Variants in KCND3 observed in about 807,000 individuals in gnomAD.
The protein encoded by KCND3 is A-type voltage-gated potassium channel KCND3.
Under a neutral mutation model 51.1 loss-of-function variants are expected in KCND3, and 9 were observed. The ratio of observed to expected loss-of-function variants is 0.18; its 90% CI spans 0.11 to 0.31. The LOEUF is 0.31. KCND3 is among the 10% of genes least tolerant of loss of function. KCND3 has a pLI of 1.00. For synonymous variants in KCND3, 349 were observed against 368.0 expected, an observed-to-expected ratio of 0.95 and a Z score of 0.59; for missense variants, 526 against 903.8, an observed-to-expected ratio of 0.58 and a Z score of 5.36.
chr1:111,814,139 ACTGT>A (rs1665977794), intron 2 of KCND3, among the ~76,000 whole-genome samples: 1 of 152,256 alleles, frequency 6.6e-6, no homozygotes, highest in Non-Finnish European at 1.5e-5. Flanking sequence ...CAGATCTGTG[ACTGT>A]CTGACATGAA....
At chr1:111,902,619 G>A (rs911168578) in intron 2 of KCND3, among the ~76,000 whole-genome samples, 1 of 152,206 alleles carries the variant, frequency 6.6e-6, no homozygotes, top group African/African-American at 2.4e-5. Flanking sequence ...TGGTCCACAG[G>A]TCTGGGGCCA....
At chr1:111,914,675 A>G (rs1671111784) in intron 2 of KCND3, among the ~76,000 whole-genome samples, 1 of 152,240 alleles carries the variant, frequency 6.6e-6, no homozygotes, top group Non-Finnish European at 1.5e-5. Flanking sequence ...AAGCAAAAAT[A>G]TCAATCAGAG....
chr1:111,928,272 G>A (rs892349853), intron 2 of KCND3, among the ~76,000 whole-genome samples: 3 of 152,152 alleles, frequency 2.0e-5, no homozygotes, highest in African/African-American at 7.2e-5. Flanking sequence ...AGAGGTCATG[G>A]TGCACTAGAA....
At chr1:111,804,136 G>A (rs1225460254) in intron 2 of KCND3, among the ~76,000 whole-genome samples, 2 of 152,136 alleles carry the variant, frequency 1.3e-5, no homozygotes. Flanking sequence ...CTCCTTTTCC[G>A]TCCCCCAACC....
At chr1:111,927,105 C>T (rs1297959472) in intron 2 of KCND3, among the ~76,000 whole-genome samples, 1 of 152,228 alleles carries the variant, frequency 6.6e-6, no homozygotes. Context: ...TCCCCATTTG[C>T]TAGCTAAGGA....
At chr1:111,963,271 C>T (rs1042594702) in intron 2 of KCND3, among the ~76,000 whole-genome samples, 9 of 152,296 alleles carry the variant, frequency 5.9e-5, no homozygotes, top group African/African-American at 2.2e-4. Flanking sequence ...GATTCAGAGC[C>T]CCACAAAGGA....
At chr1:111,852,094 C>T (rs1428371291) in intron 2 of KCND3, among the ~76,000 whole-genome samples, 1 of 152,226 alleles carries the variant, frequency 6.6e-6, no homozygotes, top group Non-Finnish European at 1.5e-5. Context: ...ATGGATGGAG[C>T]TTTTCTTTGT....
chr1:111,799,294 A>G (rs148673049), intron 2 of KCND3, among the ~76,000 whole-genome samples: 3 of 152,236 alleles, frequency 2.0e-5, no homozygotes, highest in Non-Finnish European at 4.4e-5. Flanking sequence ...AGGTACTAGA[A>G]TTGATAGATA....
At chr1:111,827,776 T>C (rs1666645176) in intron 2 of KCND3, among the ~76,000 whole-genome samples, 1 of 152,082 alleles carries the variant, frequency 6.6e-6, no homozygotes. Flanking sequence ...GGGTGAGGAA[T>C]GTTGATATGA....
Position 111,833,046 on chromosome 1 carries a change from G to T in KCND3, c.1107-45940C>A, listed in dbSNP as rs1666912646. ...TGTTGCCAAACTGGCCTTGGTCCCT[G>T]GTTCCTGGTGACAGCTGAGCATCTG... On this transcript the variant is annotated intron_variant, in intron 2 of 7. Transcript: ENST00000302127. Among the ~76,000 whole-genome samples the T allele has an allele frequency of 2.0e-5, 3 of 152,244 alleles. 1 individual carries two copies. The highest frequency in any genetic ancestry group is 4.1e-4 in the South Asian group (2 of 4,838).
chr1:111,910,660 A>G (rs1160457434), intron 2 of KCND3: 11 of 152,160 alleles, frequency 7.2e-5, no homozygotes, highest in Admixed American at 7.2e-4. Context: ...CCAGGCACAG[A>G]CCTCAGCTAA....
intron 2 of KCND3, among the ~76,000 whole-genome samples, chr1:111,857,226 C>G (rs1221003329): frequency 1.3e-5 from 2 of 152,218 alleles, no homozygotes; most frequent in Non-Finnish European, 2.9e-5. Flanking sequence ...CTAGGATCAT[C>G]ATCGCGGTGT....
intron 2 of KCND3, among the ~76,000 whole-genome samples, chr1:111,805,664 C>T (rs548958097): frequency 5.9e-5 from 9 of 152,350 alleles, no homozygotes; most frequent in Admixed American, 2.6e-4. Context: ...TCCTTGAGAA[C>T]AAGAGTCAAG....
intron 2 of KCND3, among the ~76,000 whole-genome samples, chr1:111,846,058 G>A (rs1311417549): frequency 1.3e-5 from 2 of 152,146 alleles, no homozygotes; most frequent in South Asian, 2.1e-4. Context: ...CTCTGGCCCT[G>A]CTCCTTGCCT....
At chr1:111,943,940 CGCACACTGATTACCTTTTATCAGCT>C (rs1313829932) in intron 2 of KCND3, among the ~76,000 whole-genome samples, 1 of 152,204 alleles carries the variant, frequency 6.6e-6, no homozygotes, top group Non-Finnish European at 1.5e-5. Flanking sequence ...CAGCCGGGGC[CGCACACTGATTACCTTTTATCAGCT>C]GCAGAAAAGC....
rs951613065 is a variant in KCND3 at position 111,919,948 on chromosome 1, T to C, written c.1106+61673A>G. Among the ~76,000 whole-genome samples, 8 of 152,234 alleles carry C rather than the reference T, an allele frequency of 5.3e-5. No homozygotes were observed. In the East Asian group the frequency reaches 1.5e-3, roughly 29 times the overall value. ...TGGATGGAGGGAGATGGGGAATGTT[T>C]CAAGGTTCTCATTAGGAGCTCAGGT... is the stretch of plus-strand genomic sequence containing the variant. On this transcript the variant is annotated intron_variant, in intron 2 of 7. Coordinates refer to ENST00000302127, the MANE Select transcript of KCND3 (RefSeq NM_001378969.1).
intron 2 of KCND3, among the ~76,000 whole-genome samples, chr1:111,831,319 T>C (rs546248222): frequency 6.6e-6 from 1 of 152,352 alleles, no homozygotes; most frequent in Non-Finnish European, 1.5e-5. Context: ...AGGAGGGATC[T>C]GGTGGGAGGT....
chr1:111,826,275 G>A (rs1666567386), intron 2 of KCND3, among the ~76,000 whole-genome samples: 1 of 152,160 alleles, frequency 6.6e-6, no homozygotes, highest in African/African-American at 2.4e-5. Flanking sequence ...AGGTTCATTA[G>A]AGGTTTCCCA....
intron 2 of KCND3, among the ~76,000 whole-genome samples, chr1:111,818,733 C>T (rs955735031): frequency 4.6e-5 from 7 of 152,184 alleles, no homozygotes; most frequent in Non-Finnish European, 1.0e-4. Context: ...TCACTTTCTC[C>T]TCTGTGTCAG....
Sources: allele counts gnomAD v4.1 joint callset (sites outside exome capture counted in the v4.1 genomes callset), GRCh38; gene constraint gnomAD v4.1.1; transcripts MANE v1.5; gene names NCBI Gene and HGNC (gene_info 2026-07-23, HGNC 2026-07-21).